The following COL5A2 variants were observed in gnomAD, a reference collection of about 807,000 sequenced individuals.
The protein encoded by COL5A2 is collagen alpha-2(V) chain.
A neutral mutation model predicts 208.2 loss-of-function variants in COL5A2; 23 were observed. The ratio of observed to expected loss-of-function variants is 0.11; its 90% CI spans 0.08 to 0.16. The LOEUF (loss-of-function observed/expected upper bound fraction) is 0.16, where lower values mean the gene tolerates loss of function less well. Ranked by LOEUF, COL5A2 falls within the 10% of genes least tolerant of loss-of-function variation. The probability of loss-of-function intolerance (pLI) is 1.00; values close to 1 mark genes in which losing one functional copy is unlikely to be tolerated. For missense variants in COL5A2, 1,590 were observed against 1,956.4 expected (o/e 0.81, Z 3.53); for synonymous variants, 625 against 628.5 (o/e 0.99, Z 0.08).
chr2:189,429,131 T>A, the COL5A2 span, among the ~76,000 whole-genome samples: 26 of 152,212 alleles, frequency 1.7e-4, no homozygotes, highest in Non-Finnish European at 4.4e-5. Context: ...ACAAAAATGA[T>A]AACCATGTGA....
the COL5A2 span, among the ~76,000 whole-genome samples, chr2:189,252,574 G>C: frequency 2.0e-5 from 3 of 151,880 alleles, no homozygotes. Context: ...AGAACACTTG[G>C]ACACAGGAAG....
intron 3 of COL5A2, among the ~76,000 whole-genome samples, chr2:189,101,330 T>A (rs72906378): frequency 0.13 from 20,051 of 151,868 alleles, 1,358 homozygotes; most frequent in Middle Eastern, 0.19. Context: ...AAATATTTTT[T>A]AAAAAACCCT....
At chr2:189,330,768 A>G in the COL5A2 span, among the ~76,000 whole-genome samples, 1 of 152,234 alleles carries the variant, frequency 6.6e-6, no homozygotes, top group African/African-American at 2.4e-5. Context: ...GGCTCATTGC[A>G]ATTACAGACT....
chr2:189,382,644 A>G, the COL5A2 span, among the ~76,000 whole-genome samples: 3 of 152,220 alleles, frequency 2.0e-5, no homozygotes, highest in South Asian at 6.2e-4. Context: ...GTGAGCAACA[A>G]GGCTATTTAT....
At chr2:189,062,548 A>C (rs1686057595) in intron 29 of COL5A2, among the ~76,000 whole-genome samples, 1 of 152,108 alleles carries the variant, frequency 6.6e-6, no homozygotes, top group Non-Finnish European at 1.5e-5. Flanking sequence ...TAAATATTTT[A>C]AATAAAATAT....
chr2:189,239,171 T>G, the COL5A2 span, among the ~76,000 whole-genome samples: 23,601 of 151,902 alleles, frequency 0.16, 3,201 homozygotes, highest in African/African-American at 0.36. Context: ...GACCCAAGTG[T>G]TGACAGAACT....
the COL5A2 span, among the ~76,000 whole-genome samples, chr2:189,432,339 G>A: frequency 1.3e-5 from 2 of 152,068 alleles, no homozygotes; most frequent in African/African-American, 2.4e-5. Context: ...TTATATTAAC[G>A]TTAAATGTAA....
chr2:189,380,465 T>C, the COL5A2 span, among the ~76,000 whole-genome samples: 1 of 151,742 alleles, frequency 6.6e-6, no homozygotes, highest in Non-Finnish European at 1.5e-5. Context: ...GAAAAAATAA[T>C]AAAAACAGAT....
At chr2:189,058,667 GAAAT>G (rs1685953824) in intron 32 of COL5A2, 140 bp from the exon 33 acceptor site, 1 of 974,702 alleles carries the variant, frequency 1.0e-6, no homozygotes, top group Non-Finnish European at 1.6e-6. Flanking sequence ...TTAGTGATAA[GAAAT>G]AAATTTGAAG....
the COL5A2 span, among the ~76,000 whole-genome samples, chr2:189,286,690 T>C: frequency 6.6e-6 from 1 of 152,310 alleles, no homozygotes; most frequent in African/African-American, 2.4e-5. Context: ...CAAAAGTGAA[T>C]TAAATCCTTA....
intron 1 of COL5A2, among the ~76,000 whole-genome samples, chr2:189,194,721 A>T (rs542583993): frequency 6.6e-6 from 1 of 152,306 alleles, no homozygotes; most frequent in East Asian, 1.9e-4. Flanking sequence ...TCAGTATGAC[A>T]TTGGCTGTGG....
the COL5A2 span, among the ~76,000 whole-genome samples, chr2:189,392,308 C>T: frequency 6.6e-6 from 1 of 152,092 alleles, no homozygotes; most frequent in Non-Finnish European, 1.5e-5. Context: ...GAAATATCTA[C>T]AACACTCAGG....
At chr2:189,054,064 A>G in intron 36 of COL5A2, 95 bp downstream of exon 36, 1 of 1,387,008 alleles carries the variant, frequency 7.2e-7, no homozygotes, top group Non-Finnish European at 1.0e-6. Flanking sequence ...GATCTTGCTC[A>G]GATACCATAT....
chr2:189,069,020 T>G lies in COL5A2; in HGVS notation c.1159-136A>C, dbSNP rs537108524. ...GCCAAAGAGGATTACAAGAGATGCG[T>G]GCCCAACCAAGCTTAAGGAGCGCAC... On this transcript the variant is annotated intron_variant, in intron 18 of 53. Coordinates refer to ENST00000374866, the MANE Select transcript of COL5A2 (RefSeq NM_000393.5). 1.0e-3 allele frequency: 722 copies of G among 709,080 alleles called. 4 individuals carry two copies. Among genetic ancestry groups the G allele is most frequent in the Non-Finnish European group, 1.6e-3 (622 of 393,304 alleles). 43.9% of individuals were successfully genotyped at this position (709,080 alleles called of 1,614,324 possible). A position where few individuals can be genotyped will look rare whatever the true frequency, so the allele number is the denominator to read the frequency against.
chr2:189,156,034 T>C (rs1276035647), intron 1 of COL5A2, among the ~76,000 whole-genome samples: 1 of 152,178 alleles, frequency 6.6e-6, no homozygotes, highest in Non-Finnish European at 1.5e-5. Context: ...GCCTCTTTCT[T>C]TTTTTAGAAG....
At chr2:189,403,132 G>A in the COL5A2 span, among the ~76,000 whole-genome samples, 2 of 152,082 alleles carry the variant, frequency 1.3e-5, no homozygotes. Context: ...TCACCACCCT[G>A]GTGAGCTGCA....
the COL5A2 span, among the ~76,000 whole-genome samples, chr2:189,433,182 A>G: frequency 6.3e-3 from 963 of 152,262 alleles, 11 homozygotes; most frequent in African/African-American, 0.022. Flanking sequence ...ATTTAAAGCA[A>G]TGTGTAGGGA....
At chr2:189,120,664 A>T (rs1687482035) in intron 1 of COL5A2, among the ~76,000 whole-genome samples, 1 of 152,184 alleles carries the variant, frequency 6.6e-6, no homozygotes, top group African/African-American at 2.4e-5. Flanking sequence ...AAACCCTTAG[A>T]CACCAAGACA....
Position 189,039,401 on chromosome 2 carries a change from G to C in COL5A2, c.3796C>G (p.Pro1266Ala). The C allele has an allele frequency of 1.2e-6, 2 of 1,613,928 alleles. No homozygotes were observed. Among genetic ancestry groups the C allele is most frequent in the Non-Finnish European group, 1.7e-6 (2 of 1,179,988 alleles). The change falls in exon 51 of 54, where the codon CCA becomes GCA. Residue 1266 changes from proline (P) to alanine (A), a missense_variant. By Grantham distance (27) the Pro-to-Ala change is conservative. Coordinates refer to ENST00000374866, the MANE Select transcript of COL5A2 (RefSeq NM_000393.5). Reference sequence around the variant, plus strand: ...GACTTCAGGGTAGCATGAACCCCTGGGTCCGTTTTGTTTTTGTCATCAGGA... The same window carrying C: ...GACTTCAGGGTAGCATGAACCCCTGCGTCCGTTTTGTTTTTGTCATCAGGA... ...AAPDDKNKTD[P>A]GVHATLKSLS...
Sources: allele counts gnomAD v4.1 joint callset (sites outside exome capture counted in the v4.1 genomes callset), GRCh38; gene constraint gnomAD v4.1.1; transcripts MANE v1.5; gene names NCBI Gene and HGNC (gene_info 2026-07-23, HGNC 2026-07-21).